The following SPON1 variants were observed in gnomAD, a reference collection of about 807,000 sequenced individuals.
SPON1 encodes the protein spondin 1.
Under a neutral mutation model 111.7 loss-of-function variants are expected in SPON1, and 52 were observed. The ratio of observed to expected loss-of-function variants is 0.47; its 90% CI spans 0.37 to 0.59. The LOEUF is 0.59. Ranked by LOEUF, SPON1 falls within the 20% of genes least tolerant of loss-of-function variation. The pLI, the probability that SPON1 is intolerant of heterozygous loss-of-function variation, is 0.00. For missense variants in SPON1, 957 were observed against 1,068.5 expected (o/e 0.90, Z 1.46); for synonymous variants, 410 against 395.8 (o/e 1.04, Z -0.43).
At chr11:14,247,912 C>T (rs142709883) in intron 7 of SPON1, among the ~76,000 whole-genome samples, 75 of 152,196 alleles carry the variant, frequency 4.9e-4, no homozygotes, top group African/African-American at 1.8e-3. Context: ...AAATTGGGAG[C>T]CCTCAAGGAA....
chr11:14,097,511 T>G (rs1849110764), intron 5 of SPON1, among the ~76,000 whole-genome samples: 1 of 152,250 alleles, frequency 6.6e-6, no homozygotes, highest in African/African-American at 2.4e-5. Flanking sequence ...TTATAATTAG[T>G]GTACAAAAAT....
intron 6 of SPON1, among the ~76,000 whole-genome samples, chr11:14,163,140 G>A (rs1379940081): frequency 1.3e-5 from 2 of 152,110 alleles, no homozygotes; most frequent in East Asian, 3.8e-4. Flanking sequence ...AATAATAACA[G>A]TGCACTTTTT....
chr11:14,162,925 G>T (rs563382487), intron 6 of SPON1, among the ~76,000 whole-genome samples: 3 of 152,206 alleles, frequency 2.0e-5, no homozygotes, highest in Non-Finnish European at 4.4e-5. Context: ...GTCCTGCAAA[G>T]AGGTTAAGTG....
At chr11:14,261,020 G>A (rs1232300071) in intron 14 of SPON1, among the ~76,000 whole-genome samples, 1 of 152,048 alleles carries the variant, frequency 6.6e-6, no homozygotes, top group Non-Finnish European at 1.5e-5. Flanking sequence ...ACAGCACAAA[G>A]CTCAATAAAC....
chr11:14,261,172 G>C (rs1849167052), intron 14 of SPON1, among the ~76,000 whole-genome samples: 1 of 152,120 alleles, frequency 6.6e-6, no homozygotes, highest in Non-Finnish European at 1.5e-5. Flanking sequence ...GACTCCTGCA[G>C]ACTGGTAAGA....
intron 3 of SPON1, among the ~76,000 whole-genome samples, chr11:14,048,867 T>G (rs904044016): frequency 2.6e-5 from 4 of 152,230 alleles, no homozygotes; most frequent in Non-Finnish European, 5.9e-5. Context: ...CAACACTTAC[T>G]TGTCCCTTCC....
chr11:14,238,438 G>C (rs1259139941), intron 6 of SPON1, among the ~76,000 whole-genome samples: 1 of 152,196 alleles, frequency 6.6e-6, no homozygotes, highest in African/African-American at 2.4e-5. Flanking sequence ...TCTGCTGTGG[G>C]CACAGCTGGG....
intron 6 of SPON1, among the ~76,000 whole-genome samples, chr11:14,232,212 C>T (rs538461002): frequency 2.6e-5 from 4 of 152,006 alleles, no homozygotes; most frequent in African/African-American, 9.7e-5. Flanking sequence ...GGCCCTCCCC[C>T]TCACCCTTCC....
intron 6 of SPON1, among the ~76,000 whole-genome samples, chr11:14,206,636 A>T (rs1848519934): frequency 6.6e-6 from 1 of 152,192 alleles, no homozygotes; most frequent in Non-Finnish European, 1.5e-5. Flanking sequence ...CACAATTGCC[A>T]CAAAAAATAA....
At chr11:13,991,209 C>T (rs568671232) in intron 2 of SPON1, among the ~76,000 whole-genome samples, 1 of 152,330 alleles carries the variant, frequency 6.6e-6, no homozygotes, top group African/African-American at 2.4e-5. Flanking sequence ...TTCAGGTACA[C>T]CCATCAAACA....
At chr11:14,128,579 A>T (rs1445320678) in intron 5 of SPON1, among the ~76,000 whole-genome samples, 4 of 152,186 alleles carry the variant, frequency 2.6e-5, no homozygotes, top group African/African-American at 9.7e-5. Flanking sequence ...CCAGGTACAC[A>T]GTGCAAGCTG....
At chr11:14,141,218 C>A (rs1847652692) in intron 6 of SPON1, among the ~76,000 whole-genome samples, 1 of 152,170 alleles carries the variant, frequency 6.6e-6, no homozygotes, top group Non-Finnish European at 1.5e-5. Flanking sequence ...TTTTTCTAAA[C>A]TTGTTTACAT....
At chr11:13,990,574 T>G (rs1554911029) in intron 2 of SPON1, among the ~76,000 whole-genome samples, 1 of 151,938 alleles carries the variant, frequency 6.6e-6, no homozygotes, top group African/African-American at 2.4e-5. Context: ...CATTTACATT[T>G]AAGTTTAATA....
chr11:14,118,276 A>T (rs1287588339), intron 5 of SPON1, among the ~76,000 whole-genome samples: 1 of 152,226 alleles, frequency 6.6e-6, no homozygotes, highest in Middle Eastern at 3.2e-3. Flanking sequence ...GTGTTAGTGG[A>T]GTATTACACA....
At chr11:14,172,147 A>C (rs1376635231) in intron 6 of SPON1, among the ~76,000 whole-genome samples, 64 of 152,038 alleles carry the variant, frequency 4.2e-4, no homozygotes, top group Admixed American at 1.4e-3. Context: ...GTAGGTCACT[A>C]AGGACTTGCT....
chr11:14,266,626 A>G lies in SPON1; in HGVS notation c.*939A>G, dbSNP rs1470378143. 2 of 152,110 alleles carry G rather than the reference A, an allele frequency of 1.3e-5. No homozygotes were observed. The highest frequency in any genetic ancestry group is 4.8e-5 in the African/African-American group (2 of 41,424). The allele number at this position is 152,110 out of a possible 1,614,324, so 9.4% of individuals were successfully genotyped here. On this transcript the variant is annotated 3_prime_UTR_variant, in exon 16 of 16. Transcript: ENST00000576479. ...TTTTTAGCAAGAAAACATTTTTGCTATACAAACATTTTGCTAAGTCTGCCC... is the reference window on the plus strand; with the variant it reads ...TTTTTAGCAAGAAAACATTTTTGCTGTACAAACATTTTGCTAAGTCTGCCC...
At chr11:14,203,061 C>A (rs1162471070) in intron 6 of SPON1, among the ~76,000 whole-genome samples, 3 of 152,176 alleles carry the variant, frequency 2.0e-5, no homozygotes, top group Non-Finnish European at 2.9e-5. Context: ...CCTGTCCACC[C>A]CTGCCAGGGC....
chr11:14,062,378 T>C (rs1554919961), intron 3 of SPON1, among the ~76,000 whole-genome samples: 1 of 152,194 alleles, frequency 6.6e-6, no homozygotes, highest in African/African-American at 2.4e-5. Context: ...TATTTATGGA[T>C]CAAGAAACTG....
chr11:14,186,360 A>G (rs1554934065), intron 6 of SPON1, among the ~76,000 whole-genome samples: 3 of 152,178 alleles, frequency 2.0e-5, no homozygotes, highest in African/African-American at 7.2e-5. Context: ...AGAAGAACAG[A>G]GATTTTGTTT....
Sources: allele counts gnomAD v4.1 joint callset (sites outside exome capture counted in the v4.1 genomes callset), GRCh38; gene constraint gnomAD v4.1.1; transcripts MANE v1.5; gene names NCBI Gene and HGNC (gene_info 2026-07-23, HGNC 2026-07-21).